ANO10: variants seen among roughly 807,000 people sequenced by gnomAD.
ANO10 encodes the protein anoctamin 10, also known as anoctamin-10.
In ANO10, 77 loss-of-function variants were observed where a neutral mutation model predicts 74.7. The observed-to-expected ratio is 1.03, with a 90% CI of 0.86 to 1.25. The LOEUF is 1.25. ANO10 is among the 50% of genes most tolerant of loss of function. The pLI is 0.00. For missense variants in ANO10, 721 were observed against 778.1 expected, an observed-to-expected ratio of 0.93 and a Z score of 0.87; for synonymous variants, 279 against 284.9, an observed-to-expected ratio of 0.98 and a Z score of 0.21.
At chr3:43,614,369 T>C (rs2082980777) in intron 1 of ANO10, among the ~76,000 whole-genome samples, 1 of 152,284 alleles carries the variant, frequency 6.6e-6, no homozygotes, top group East Asian at 1.9e-4. Flanking sequence ...ACCTTAACAG[T>C]ATTTGCAATA....
chr3:43,679,410 C>A (rs1408992932), intron 1 of ANO10, among the ~76,000 whole-genome samples: 1 of 152,268 alleles, frequency 6.6e-6, no homozygotes, highest in South Asian at 2.1e-4. Flanking sequence ...CCTGCCATTG[C>A]CGAGGCTTGA....
chr3:43,428,978 T>C (rs1298934776), intron 12 of ANO10, among the ~76,000 whole-genome samples: 2 of 151,896 alleles, frequency 1.3e-5, no homozygotes, highest in South Asian at 4.2e-4. Flanking sequence ...TGAGAGAGGA[T>C]TTTGGTCAGT....
At chr3:43,416,481 A>G (rs2092740846) in intron 12 of ANO10, among the ~76,000 whole-genome samples, 1 of 152,212 alleles carries the variant, frequency 6.6e-6, no homozygotes, top group Non-Finnish European at 1.5e-5. Flanking sequence ...CTTGTTCTCA[A>G]CCATATTTTT....
chr3:43,450,477 G>A (rs1245102431), intron 11 of ANO10, among the ~76,000 whole-genome samples: 1 of 152,138 alleles, frequency 6.6e-6, no homozygotes, highest in Non-Finnish European at 1.5e-5. Flanking sequence ...GGAGGCGGAG[G>A]TTGCAGCGAG....
intron 11 of ANO10, among the ~76,000 whole-genome samples, chr3:43,525,929 CCAA>C (rs1305616222): frequency 5.9e-5 from 9 of 152,288 alleles, no homozygotes; most frequent in East Asian, 3.9e-4. Flanking sequence ...CTGTAGTGTA[CCAA>C]CAACATCGCT....
intron 11 of ANO10, among the ~76,000 whole-genome samples, chr3:43,459,849 C>T (rs910825731): frequency 6.6e-6 from 1 of 152,164 alleles, no homozygotes; most frequent in Non-Finnish European, 1.5e-5. Flanking sequence ...CTACTGTTAT[C>T]TCTATTTTAA....
At chr3:43,426,820 A>T (rs924158454) in intron 12 of ANO10, among the ~76,000 whole-genome samples, 1 of 152,246 alleles carries the variant, frequency 6.6e-6, no homozygotes, top group African/African-American at 2.4e-5. Context: ...AAAATGCCCT[A>T]TGCAAAGTAA....
intron 4 of ANO10, among the ~76,000 whole-genome samples, chr3:43,584,320 A>G (rs2081381185): frequency 6.6e-6 from 1 of 152,224 alleles, no homozygotes. Context: ...GCAAGTTTAG[A>G]GCACAGGCAT....
chr3:43,433,310 T>C (rs747240391), intron 11 of ANO10, among the ~76,000 whole-genome samples: 1 of 152,082 alleles, frequency 6.6e-6, no homozygotes, highest in Non-Finnish European at 1.5e-5. Context: ...ACCCTCAATG[T>C]TTTATAGAAA....
At chr3:43,602,707 G>T (rs1559768226) in intron 2 of ANO10, among the ~76,000 whole-genome samples, 1 of 152,172 alleles carries the variant, frequency 6.6e-6, no homozygotes, top group Non-Finnish European at 1.5e-5. Context: ...CAGATGTTTG[G>T]TGATCTTTCA....
upstream of ANO10, among the ~76,000 whole-genome samples, chr3:43,624,523 T>C (rs1232816160): frequency 1.3e-5 from 2 of 152,176 alleles, no homozygotes; most frequent in Admixed American, 6.5e-5. Context: ...TCTCTCTCTG[T>C]TGCTCCTGCT....
rs1429746051 is a variant in ANO10 at position 43,680,524 on chromosome 3, G to C, written c.-12+10993C>G. 2.6e-5 allele frequency among the ~76,000 whole-genome samples: 4 copies of C among 152,338 alleles called. 1 individual carries two copies. In the South Asian group the frequency reaches 6.2e-4, roughly 24 times the overall value. On this transcript the variant is annotated intron_variant, in intron 1 of 3. Transcript: ENST00000413397. ...AAACACTCGGCAGGATATTATCCAG[G>C]AGAACTTCCCCAGTCTAGCAAGGCA...
At chr3:43,659,942 A>G (rs1298898446) in intron 1 of ANO10, among the ~76,000 whole-genome samples, 1 of 152,166 alleles carries the variant, frequency 6.6e-6, no homozygotes, top group Non-Finnish European at 1.5e-5. Flanking sequence ...CCAGGCAAAC[A>G]GGGTCTGGAG....
At chr3:43,661,641 G>A (rs758883511) in intron 1 of ANO10, among the ~76,000 whole-genome samples, 11 of 152,196 alleles carry the variant, frequency 7.2e-5, no homozygotes, top group African/African-American at 9.6e-5. Context: ...ACCCATAGGT[G>A]TGCTGTATTT....
intron 1 of ANO10, among the ~76,000 whole-genome samples, chr3:43,646,304 C>T (rs1275066753): frequency 2.0e-5 from 3 of 152,186 alleles, no homozygotes; most frequent in African/African-American, 7.2e-5. Context: ...GGACTCTTTC[C>T]ACTTCCCTAT....
chr3:43,525,301 C>CTCATCCCCA (rs1209996096), intron 11 of ANO10, among the ~76,000 whole-genome samples: 1 of 152,140 alleles, frequency 6.6e-6, no homozygotes, highest in Admixed American at 6.5e-5. Context: ...TCCACAGTCC[C>CTCATCCCCA]TCATCCCCAT....
At chr3:43,431,052 C>T (rs1228929380) in intron 12 of ANO10, among the ~76,000 whole-genome samples, 2 of 150,834 alleles carry the variant, frequency 1.3e-5, no homozygotes, top group Non-Finnish European at 3.0e-5. Flanking sequence ...TTATTTTTAG[C>T]TATATAATCC....
At chr3:43,530,863 A>C (rs914473786) in intron 11 of ANO10, among the ~76,000 whole-genome samples, 2 of 152,176 alleles carry the variant, frequency 1.3e-5, no homozygotes, top group Non-Finnish European at 2.9e-5. Context: ...TTTGCAGATA[A>C]GCTGGGACTA....
intron 1 of ANO10, among the ~76,000 whole-genome samples, chr3:43,610,996 T>C (rs1029770749): frequency 6.6e-6 from 1 of 152,238 alleles, no homozygotes; most frequent in African/African-American, 2.4e-5. Context: ...TCTAGTTCTC[T>C]ACCCAATCCT....
Sources: gnomAD v4.1 joint callset for allele counts (sites outside exome capture counted in the v4.1 genomes callset) on GRCh38, gnomAD v4.1.1 for gene constraint, MANE v1.5 for transcripts, NCBI Gene and HGNC (gene_info 2026-07-23, HGNC 2026-07-21) for gene names.